ARHGAP15: variants seen among roughly 807,000 people sequenced by gnomAD.
ARHGAP15 encodes Rho GTPase activating protein 15, also known as rho GTPase-activating protein 15.
In ARHGAP15, 51 loss-of-function variants were observed where a neutral mutation model predicts 63.7. The observed-to-expected ratio is 0.80, with a 90% CI of 0.64 to 1.01. The LOEUF (loss-of-function observed/expected upper bound fraction) is 1.01, where lower values mean the gene tolerates loss of function less well. Ranked by LOEUF, ARHGAP15 falls within the 50% of genes least tolerant of loss-of-function variation. The probability of loss-of-function intolerance (pLI) is 0.00; values close to 1 mark genes in which losing one functional copy is unlikely to be tolerated. For missense variants in ARHGAP15, 560 were observed against 564.6 expected (o/e 0.99, Z 0.08); for synonymous variants, 191 against 193.8 (o/e 0.99, Z 0.12).
At chr2:143,509,412 C>A (rs1693478803) in intron 9 of ARHGAP15, among the ~76,000 whole-genome samples, 2 of 151,874 alleles carry the variant, frequency 1.3e-5, no homozygotes, top group South Asian at 2.1e-4. Context: ...AGAGAATCGG[C>A]CCAATTTTTG....
chr2:143,326,389 G>T (rs1684250685), intron 6 of ARHGAP15, among the ~76,000 whole-genome samples: 1 of 152,058 alleles, frequency 6.6e-6, no homozygotes, highest in South Asian at 2.1e-4. Context: ...CTTACCAAAA[G>T]TCACACTGCT....
At chr2:143,696,082 T>G (rs376348274) in intron 12 of ARHGAP15, among the ~76,000 whole-genome samples, 3 of 152,174 alleles carry the variant, frequency 2.0e-5, no homozygotes, top group African/African-American at 7.2e-5. Context: ...TTACACTCGT[T>G]GATTTGTATC....
chr2:143,451,153 G>A (rs777390600), intron 8 of ARHGAP15, among the ~76,000 whole-genome samples: 99 of 151,702 alleles, frequency 6.5e-4, no homozygotes, highest in Non-Finnish European at 1.2e-3. Context: ...CAGCAGGGAC[G>A]GAAATAAACC....
intron 12 of ARHGAP15, among the ~76,000 whole-genome samples, chr2:143,702,744 A>G (rs1341122614): frequency 2.0e-5 from 3 of 152,070 alleles, no homozygotes; most frequent in Non-Finnish European, 2.9e-5. Context: ...GACTGTGGCA[A>G]TTCCTTAGAA....
intron 1 of ARHGAP15, among the ~76,000 whole-genome samples, chr2:143,151,660 G>A (rs1226569772): frequency 2.0e-5 from 3 of 151,982 alleles, no homozygotes; most frequent in Non-Finnish European, 4.4e-5. Flanking sequence ...GAATGCTGCA[G>A]TGGGTGCTCT....
intron 6 of ARHGAP15, among the ~76,000 whole-genome samples, chr2:143,266,339 T>C (rs1680994008): frequency 6.6e-6 from 1 of 152,108 alleles, no homozygotes; most frequent in African/African-American, 2.4e-5. Flanking sequence ...AAAATTTCAG[T>C]GATAGGAGAA....
At chr2:143,695,896 C>T (rs1385701971) in intron 12 of ARHGAP15, among the ~76,000 whole-genome samples, 3 of 151,534 alleles carry the variant, frequency 2.0e-5, no homozygotes, top group Non-Finnish European at 4.4e-5. Context: ...AAGACTAAGA[C>T]TTGAATACAT....
At chr2:143,614,482 G>C (rs1198522902) in intron 11 of ARHGAP15, among the ~76,000 whole-genome samples, 1 of 152,122 alleles carries the variant, frequency 6.6e-6, no homozygotes, top group Non-Finnish European at 1.5e-5. Context: ...TGTTTTGAAA[G>C]AGAATGATAA....
intron 6 of ARHGAP15, among the ~76,000 whole-genome samples, chr2:143,416,594 C>T (rs1344882963): frequency 6.6e-6 from 1 of 152,178 alleles, no homozygotes; most frequent in Non-Finnish European, 1.5e-5. Flanking sequence ...TATCAAGCTG[C>T]TCCCACTGCC....
At chr2:143,265,842 A>G (rs1680961277) in intron 6 of ARHGAP15, among the ~76,000 whole-genome samples, 1 of 152,138 alleles carries the variant, frequency 6.6e-6, no homozygotes, top group African/African-American at 2.4e-5. Flanking sequence ...TATTCATGTT[A>G]AAGCTTCATA....
At chr2:143,215,215 T>C (rs996536609) in intron 3 of ARHGAP15, among the ~76,000 whole-genome samples, 1 of 152,166 alleles carries the variant, frequency 6.6e-6, no homozygotes, top group Non-Finnish European at 1.5e-5. Context: ...CTAAAAGAGA[T>C]GGCAGAGAAA....
At position 143,702,370 on chromosome 2, in the gene ARHGAP15, A is replaced by G. The variant is rs1214299146; in HGVS notation, c.1139-1049A>G. Among the ~76,000 whole-genome samples the G allele has an allele frequency of 2.6e-5, 4 of 152,148 alleles. No homozygotes were observed. In the East Asian group the frequency reaches 7.7e-4, roughly 29 times the overall value. Reference sequence around the variant, plus strand: ...GGTATGCAGTTTTGAACAACTTCCTATTTTATAAAATGTTTATGACCAGGA... The same window carrying G: ...GGTATGCAGTTTTGAACAACTTCCTGTTTTATAAAATGTTTATGACCAGGA... On this transcript the variant is annotated intron_variant, in intron 12 of 13. Transcript: ENST00000295095.
At chr2:143,677,445 AC>A (rs1574826878) in intron 12 of ARHGAP15, among the ~76,000 whole-genome samples, 1 of 152,148 alleles carries the variant, frequency 6.6e-6, no homozygotes, top group East Asian at 1.9e-4. Flanking sequence ...TTCCTCAAGT[AC>A]CCACAGAAAT....
At chr2:143,166,154 T>C (rs548566825) in intron 2 of ARHGAP15, among the ~76,000 whole-genome samples, 1 of 152,250 alleles carries the variant, frequency 6.6e-6, no homozygotes, top group Admixed American at 6.5e-5. Flanking sequence ...ATTATTCTCA[T>C]CCACAACACA....
chr2:143,141,651 G>C (rs1689370601), intron 1 of ARHGAP15, among the ~76,000 whole-genome samples: 1 of 152,156 alleles, frequency 6.6e-6, no homozygotes, highest in South Asian at 2.1e-4. Flanking sequence ...AAAATTGTAA[G>C]AATAAATGAA....
intron 11 of ARHGAP15, among the ~76,000 whole-genome samples, chr2:143,615,138 G>A (rs911642935): frequency 2.0e-5 from 3 of 152,102 alleles, no homozygotes; most frequent in South Asian, 2.1e-4. Flanking sequence ...CCAACTAATC[G>A]AGATAACTTA....
In ARHGAP15 at chr2:143,514,463, T is replaced by C. The variant is rs534564365; in HGVS notation, c.827-4803T>C. Among the ~76,000 whole-genome samples, 3 of 152,322 alleles carry C rather than the reference T, an allele frequency of 2.0e-5. No individual in the cohort carries two copies. The South Asian group carries it at 6.2e-4, about 32-fold the overall frequency. ...AACTGAAGGCATAACTCCACATTCT[T>C]AGCAAATTTAGAACTTTTTTTTCTG... On this transcript the variant is annotated intron_variant, in intron 9 of 13. Coordinates refer to ENST00000295095, the MANE Select transcript of ARHGAP15 (RefSeq NM_018460.4).
At chr2:143,399,217 C>T (rs1687895193) in intron 6 of ARHGAP15, among the ~76,000 whole-genome samples, 1 of 151,842 alleles carries the variant, frequency 6.6e-6, no homozygotes, top group African/African-American at 2.4e-5. Context: ...TGGAGGCTGA[C>T]TATGGAGGTT....
chr2:143,271,382 C>G (rs756075454), intron 6 of ARHGAP15, among the ~76,000 whole-genome samples: 1 of 152,202 alleles, frequency 6.6e-6, no homozygotes, highest in Non-Finnish European at 1.5e-5. Context: ...CCCAGATAAA[C>G]ATTTTCTCCG....
Sources: allele counts gnomAD v4.1 joint callset (sites outside exome capture counted in the v4.1 genomes callset), GRCh38; gene constraint gnomAD v4.1.1; transcripts MANE v1.5; gene names NCBI Gene and HGNC (gene_info 2026-07-23, HGNC 2026-07-21).